CSMD2: variants seen among roughly 807,000 people sequenced by gnomAD.
The protein encoded by CSMD2 is CUB and Sushi multiple domains 2, also known as CUB and sushi domain-containing protein 2.
In CSMD2, 130 loss-of-function variants were observed where a neutral mutation model predicts 398.5. The ratio of observed to expected loss-of-function variants is 0.33; its 90% CI spans 0.28 to 0.38. CSMD2 has a LOEUF of 0.38. CSMD2 is among the 10% of genes least tolerant of loss of function. The pLI, the probability that CSMD2 is intolerant of heterozygous loss-of-function variation, is 1.00. For missense variants in CSMD2, 3,829 were observed against 4,764.9 expected, an observed-to-expected ratio of 0.80 and a Z score of 5.78; for synonymous variants, 1,828 against 1,908.5, an observed-to-expected ratio of 0.96 and a Z score of 1.10.
chr1:33,895,555 G>T (rs1341982592), intron 5 of CSMD2, among the ~76,000 whole-genome samples: 2 of 152,142 alleles, frequency 1.3e-5, no homozygotes, highest in African/African-American at 4.8e-5. Context: ...GCAGCAGCAG[G>T]GCCACCCCAC....
chr1:34,110,736 AC>A lies in CSMD2; in HGVS notation c.188-21544del, dbSNP rs371522074. On this transcript the variant is annotated intron_variant, in intron 1 of 70. Transcript: ENST00000373381. ...AAGAGGCGAGCAACATACACGAGGG[AC>A]TACCTGAGGGTGGAGAACGGGAGGA... is the stretch of plus-strand genomic sequence containing the variant. 1.8e-3 allele frequency among the ~76,000 whole-genome samples: 268 copies of A among 152,256 alleles called. 1 individual carries two copies. Among genetic ancestry groups the A allele is most frequent in the African/African-American group, 6.1e-3 (252 of 41,546 alleles).
At chr1:33,847,297 T>C (rs1318545882) in intron 5 of CSMD2, among the ~76,000 whole-genome samples, 2 of 151,792 alleles carry the variant, frequency 1.3e-5, no homozygotes, top group Non-Finnish European at 2.9e-5. Context: ...TTTTTCTTTT[T>C]TCTAGTTCTT....
intron 28 of CSMD2, among the ~76,000 whole-genome samples, chr1:33,649,222 C>G (rs749606762): frequency 6.6e-4 from 101 of 152,286 alleles, no homozygotes; most frequent in Non-Finnish European, 1.2e-3. Flanking sequence ...ATTTCAGATG[C>G]AAATTTGCTC....
At chr1:33,574,105 G>A (rs1160362613) in intron 49 of CSMD2, among the ~76,000 whole-genome samples, 2 of 152,164 alleles carry the variant, frequency 1.3e-5, no homozygotes, top group African/African-American at 4.8e-5. Flanking sequence ...TTTCAGACAT[G>A]TAAAGTCTCA....
chr1:34,152,757 G>T (rs556207688), intron 1 of CSMD2, among the ~76,000 whole-genome samples: 1 of 152,160 alleles, frequency 6.6e-6, no homozygotes, highest in Non-Finnish European at 1.5e-5. Context: ...GAACCACTTA[G>T]AAGTATATAA....
intron 3 of CSMD2, among the ~76,000 whole-genome samples, chr1:33,976,486 T>C (rs1296607371): frequency 6.6e-6 from 1 of 152,176 alleles, no homozygotes; most frequent in Non-Finnish European, 1.5e-5. Context: ...ATGCCCTCTC[T>C]GCCTTCCTGG....
At position 33,646,787 on chromosome 1, in the gene CSMD2, C is replaced by A. The variant is rs771552851; in HGVS notation, c.4635G>T (p.Arg1545=). ...GYDFLHIYDG[R]DSLSPLIGSF... is the part of the protein sequence containing the mutation. ...TTCCTATGAGAGGGCTGAGAGAGTC[C>A]CGTCCGTCGTAGATATGGAGGAAGT... The change falls in exon 29 of 71, where the codon CGG becomes CGT. Residue 1545 remains arginine, a synonymous_variant. Coordinates refer to ENST00000373381, the MANE Select transcript of CSMD2 (RefSeq NM_001281956.2). 2 of 1,613,814 alleles carry A rather than the reference C, an allele frequency of 1.2e-6. No individual in the cohort carries two copies. Among genetic ancestry groups the A allele is most frequent in the African/African-American group, 1.3e-5 (1 of 74,908 alleles).
At chr1:34,148,596 C>T (rs1438820366) in intron 1 of CSMD2, among the ~76,000 whole-genome samples, 3 of 62,392 alleles carry the variant, frequency 4.8e-5, no homozygotes, top group Non-Finnish European at 1.6e-4. Context: ...GGCCAAACCC[C>T]CTCCTTCAGT....
At chr1:34,044,028 G>A (rs1473724125) in intron 2 of CSMD2, among the ~76,000 whole-genome samples, 1 of 152,156 alleles carries the variant, frequency 6.6e-6, no homozygotes, top group African/African-American at 2.4e-5. Context: ...ATCGCCCCAG[G>A]ATGCACCTTT....
intron 41 of CSMD2, among the ~76,000 whole-genome samples, chr1:33,609,676 C>G (rs1307452955): frequency 6.6e-6 from 1 of 151,990 alleles, no homozygotes; most frequent in Non-Finnish European, 1.5e-5. Flanking sequence ...TAAAAATTAA[C>G]TTTAAAAAAC....
chr1:33,763,696 C>T (rs1650126403), intron 13 of CSMD2, among the ~76,000 whole-genome samples: 1 of 152,198 alleles, frequency 6.6e-6, no homozygotes, highest in Non-Finnish European at 1.5e-5. Flanking sequence ...CACTGAAGAG[C>T]TGGATCCCAC....
At chr1:34,006,025 G>GT (rs1214716313) in intron 3 of CSMD2, among the ~76,000 whole-genome samples, 1 of 152,168 alleles carries the variant, frequency 6.6e-6, no homozygotes, top group African/African-American at 2.4e-5. Context: ...TGAACACATG[G>GT]TTTTTGTCAA....
At chr1:33,678,120 T>TA (rs950828498) in intron 25 of CSMD2, among the ~76,000 whole-genome samples, 18 of 146,208 alleles carry the variant, frequency 1.2e-4, no homozygotes, top group Non-Finnish European at 2.6e-4. Context: ...ATAATAAAAT[T>TA]AAAAAAAAAA....
chr1:33,920,542 CAAAAAAAAAAA>C (rs58865984), intron 4 of CSMD2, among the ~76,000 whole-genome samples: 1 of 84,240 alleles, frequency 1.2e-5, no homozygotes, highest in African/African-American at 3.7e-5. Flanking sequence ...CAATCTGTCT[CAAAAAAAAAAA>C]AAAAAAAAAA....
intron 3 of CSMD2, among the ~76,000 whole-genome samples, chr1:33,997,960 G>A (rs1426373378): frequency 1.3e-5 from 2 of 152,158 alleles, no homozygotes; most frequent in African/African-American, 2.4e-5. Flanking sequence ...CCCCTGAGGT[G>A]CAGACCAAGG....
intron 3 of CSMD2, among the ~76,000 whole-genome samples, chr1:34,010,113 T>G (rs1486725251): frequency 6.6e-6 from 1 of 152,224 alleles, no homozygotes; most frequent in Non-Finnish European, 1.5e-5. Context: ...CTGTAGAGCC[T>G]TCCTTGCCTT....
chr1:33,916,023 T>A (rs1643703992), intron 5 of CSMD2, among the ~76,000 whole-genome samples: 2 of 152,178 alleles, frequency 1.3e-5, no homozygotes, highest in South Asian at 4.1e-4. Flanking sequence ...ATAATTTTTA[T>A]GAAGATGAAA....
intron 3 of CSMD2, among the ~76,000 whole-genome samples, chr1:33,954,894 T>G (rs1018208543): frequency 4.6e-5 from 7 of 152,160 alleles, no homozygotes; most frequent in African/African-American, 1.7e-4. Context: ...ATGGCGGGGA[T>G]GGTTATACAA....
At chr1:33,639,955 A>G (rs1571046323) in intron 29 of CSMD2, among the ~76,000 whole-genome samples, 2 of 152,202 alleles carry the variant, frequency 1.3e-5, no homozygotes, top group East Asian at 3.8e-4. Flanking sequence ...TAGATGAGGA[A>G]TATGGTGATC....
Sources: gnomAD v4.1 joint callset for allele counts (sites outside exome capture counted in the v4.1 genomes callset) on GRCh38, gnomAD v4.1.1 for gene constraint, MANE v1.5 for transcripts, NCBI Gene and HGNC (gene_info 2026-07-23, HGNC 2026-07-21) for gene names.